CRMP1: variants seen among roughly 807,000 people sequenced by gnomAD.
CRMP1 encodes the protein collapsin response mediator protein 1.
In CRMP1, 19 loss-of-function variants were observed where a neutral mutation model predicts 68.3. The observed-to-expected ratio is 0.28, with a 90% CI of 0.19 to 0.41. CRMP1 has a LOEUF of 0.41. Among genes scored for constraint, CRMP1 ranks in the 10% least tolerant of loss-of-function variants. The pLI is 1.00. For synonymous variants in CRMP1, 439 were observed against 399.6 expected, an observed-to-expected ratio of 1.10 and a Z score of -1.18; for missense variants, 791 against 967.4, an observed-to-expected ratio of 0.82 and a Z score of 2.42.
At chr4:5,849,503 G>C in intron 5 of CRMP1, 31 bp from the exon 6 acceptor site, 1 of 1,411,682 alleles carries the variant, frequency 7.1e-7, no homozygotes, top group Non-Finnish European at 9.8e-7. Flanking sequence ...GTTGGTGTGA[G>C]ATTTAAAAAA....
rs1215086062 is a variant in CRMP1, at chr4:5,881,382, C to T, written c.381+11207G>A. Among the ~76,000 whole-genome samples, 6 of 152,154 alleles carry T rather than the reference C, an allele frequency of 3.9e-5. No homozygotes were observed. Among genetic ancestry groups the T allele is most frequent in the African/African-American group, 1.4e-4 (6 of 41,432 alleles). On this transcript the variant is annotated intron_variant, in intron 1 of 13. Transcript: ENST00000324989. The surrounding 1 kb of genome is among the most constrained non-coding windows in gnomAD (Gnocchi z 4.6). ...TCAACCTTACTGTACTCAGGACATACTTTCAAATCATATAAAATTTTGCAG... is the reference window on the plus strand; with the variant it reads ...TCAACCTTACTGTACTCAGGACATATTTTCAAATCATATAAAATTTTGCAG...
At position 5,858,347 on chromosome 4, in the gene CRMP1, C is replaced by T. The variant is rs1485738778; in HGVS notation, c.656-2040G>A. 6.6e-6 allele frequency among the ~76,000 whole-genome samples: 1 copy of T among 152,122 alleles called. No homozygotes were observed. The highest frequency in any genetic ancestry group is 2.4e-5 in the African/African-American group (1 of 41,396). ...CCCGGTTGTGTTCTTGGCTTCTCCA[C>T]CGAGATGACTCAAAAGCTCCCCCAA... On this transcript the variant is annotated intron_variant, in intron 3 of 13. Coordinates refer to ENST00000324989, the MANE Select transcript of CRMP1 (RefSeq NM_001014809.3). The surrounding 1 kb of genome is among the most constrained non-coding windows in gnomAD (Gnocchi z 5.5).
At chr4:5,871,044 C>G (rs996574701) in intron 1 of CRMP1, among the ~76,000 whole-genome samples, 13 of 152,218 alleles carry the variant, frequency 8.5e-5, no homozygotes, top group African/African-American at 2.9e-4. Flanking sequence ...AAGATTGGCC[C>G]AACCTGCTAT....
chr4:5,892,934 G>T lies in CRMP1; in HGVS notation c.36C>A (p.Asp12Glu). The part of the protein sequence containing the change: ...ADRRRAWNTE[D>E]DLPVYLARPG... ...GCCGCGCCAGGTACACGGGCAGGTC[G>T]TCCTCGGTGTTCCACGCGCGCCGCC... The change falls in exon 1 of 14, where the codon GAC (aspartate) becomes GAA (glutamate). Residue 12 changes from aspartate (D) to glutamate (E), a missense_variant. Coordinates refer to ENST00000324989, the MANE Select transcript of CRMP1 (RefSeq NM_001014809.3). This position sits in a 1 kb window ranked among gnomAD's most constrained non-coding sequence, Gnocchi z 8.6. 2 of 1,284,040 alleles carry T rather than the reference G, an allele frequency of 1.6e-6. No homozygotes were observed. Among genetic ancestry groups the T allele is most frequent in the Non-Finnish European group, 2.0e-6 (2 of 1,012,052 alleles). 79.5% of individuals were successfully genotyped at this position (1,284,040 alleles called of 1,614,324 possible).
chr4:5,855,638 G>C lies in CRMP1; in HGVS notation c.820+505C>G, dbSNP rs1713001876. 6.6e-6 allele frequency among the ~76,000 whole-genome samples: 1 copy of C among 152,160 alleles called. No individual in the cohort carries two copies. Among genetic ancestry groups the C allele is most frequent in the South Asian group, 2.1e-4 (1 of 4,828 alleles). On this transcript the variant is annotated intron_variant, in intron 4 of 13. Transcript: ENST00000324989. The surrounding 1 kb of genome is among the most constrained non-coding windows in gnomAD (Gnocchi z 4.9). ...AGACAAACCATGTCCCATAATCCAG[G>C]AACAATGGAAAAAGTGCCCCAAAGG...
chr4:5,877,731 T>C lies in CRMP1; in HGVS notation c.382-10975A>G, dbSNP rs892009913. On this transcript the variant is annotated intron_variant, in intron 1 of 13. Transcript: ENST00000324989. This position sits in a 1 kb window ranked among gnomAD's most constrained non-coding sequence, Gnocchi z 4.3. Reference sequence around the variant, plus strand: ...AGGTAGTCCCCATGGACTGCAGGACTTTTTTTCCCCCCGATATTATGCCTG... The same window carrying C: ...AGGTAGTCCCCATGGACTGCAGGACCTTTTTTCCCCCCGATATTATGCCTG... Among the ~76,000 whole-genome samples, 12 of 152,108 alleles carry C rather than the reference T, an allele frequency of 7.9e-5. No homozygotes were observed. The highest frequency in any genetic ancestry group is 2.4e-4 in the African/African-American group (10 of 41,408).
At position 5,838,338 on chromosome 4, in the gene CRMP1, T is replaced by C. The variant is rs1019234928; in HGVS notation, c.1310+1184A>G. ...CCGGATTGAGTTCTGCCTTGTTGGA[T>C]GTTGCAGGGACTTGGGTTTCACTGG... On this transcript the variant is annotated intron_variant, in intron 9 of 13. Coordinates refer to ENST00000324989, the MANE Select transcript of CRMP1 (RefSeq NM_001014809.3). The surrounding 1 kb of genome is among the most constrained non-coding windows in gnomAD (Gnocchi z 4.9). 1.3e-5 allele frequency among the ~76,000 whole-genome samples: 2 copies of C among 151,986 alleles called. No homozygotes were observed. Among genetic ancestry groups the C allele is most frequent in the Non-Finnish European group, 2.9e-5 (2 of 68,000 alleles).
chr4:5,887,314 A>G (rs545345360), intron 1 of CRMP1: 2 of 973,242 alleles, frequency 2.1e-6, no homozygotes, highest in East Asian at 1.1e-4. Context: ...CCAGTAGTCA[A>G]ACCTCTGGAG....
intron 10 of CRMP1, among the ~76,000 whole-genome samples, 169 bp from the exon 11 acceptor site, chr4:5,836,254 T>C (rs997620567): frequency 2.0e-5 from 3 of 152,210 alleles, no homozygotes; most frequent in African/African-American, 7.2e-5. Context: ...CCCAGCCTCA[T>C]CAGAGAGGAC....
At chr4:5,878,212 G>A (rs1409460970) in intron 1 of CRMP1, among the ~76,000 whole-genome samples, 3 of 150,106 alleles carry the variant, frequency 2.0e-5, no homozygotes, top group African/African-American at 7.4e-5. Context: ...ATTCCACCTG[G>A]CACCTATACA....
rs1423313778 is a variant in CRMP1, at chr4:5,888,832, G to A, written c.381+3757C>T. Among the ~76,000 whole-genome samples, 2 of 151,836 alleles carry A rather than the reference G, an allele frequency of 1.3e-5. No individual in the cohort carries two copies. Among genetic ancestry groups the A allele is most frequent in the Admixed American group, 6.5e-5 (1 of 15,270 alleles). On this transcript the variant is annotated intron_variant, in intron 1 of 13. Transcript: ENST00000324989. This position sits in a 1 kb window ranked among gnomAD's most constrained non-coding sequence, Gnocchi z 6.4. ...CTCCCCGGAACATCTGCGGGGGTGTGGGGGGAGGGAGTGTGGGACGGGGGC... is the reference window on the plus strand; with the variant it reads ...CTCCCCGGAACATCTGCGGGGGTGTAGGGGGAGGGAGTGTGGGACGGGGGC...
chr4:5,868,426 T>A (rs937119144), intron 1 of CRMP1, among the ~76,000 whole-genome samples: 1 of 151,432 alleles, frequency 6.6e-6, no homozygotes, highest in African/African-American at 2.4e-5. Flanking sequence ...CTCAGCCTCC[T>A]GAGTAGCTGG....
At position 5,850,819 on chromosome 4, in the gene CRMP1, G is replaced by A. The variant is rs1169637454; in HGVS notation, c.882+589C>T. Among the ~76,000 whole-genome samples, 1 of 152,192 alleles carries A rather than the reference G, an allele frequency of 6.6e-6. No homozygotes were observed. The highest frequency in any genetic ancestry group is 2.4e-5 in the African/African-American group (1 of 41,460). On this transcript the variant is annotated intron_variant, in intron 5 of 13. Coordinates refer to ENST00000324989, the MANE Select transcript of CRMP1 (RefSeq NM_001014809.3). The surrounding 1 kb of genome is among the most constrained non-coding windows in gnomAD (Gnocchi z 4.4). Reference sequence around the variant, plus strand: ...AGACCCAGTAGTATAAGAAGGCCAGGTGTCCTGTAAGTCGTAACCACTCCT... The same window carrying A: ...AGACCCAGTAGTATAAGAAGGCCAGATGTCCTGTAAGTCGTAACCACTCCT...
Position 5,854,678 on chromosome 4 carries a change from A to C in CRMP1, c.820+1465T>G, listed in dbSNP as rs1473601229. ...TGAATGTAATCAGTAAAGAACTGCC[A>C]TGAAAACCACAATGGTGGTGTCTTT... is the stretch of plus-strand genomic sequence containing the variant. On this transcript the variant is annotated intron_variant, in intron 4 of 13. Coordinates refer to ENST00000324989, the MANE Select transcript of CRMP1 (RefSeq NM_001014809.3). The surrounding 1 kb of genome is among the most constrained non-coding windows in gnomAD (Gnocchi z 4.0). Among the ~76,000 whole-genome samples, 7 of 152,352 alleles carry C rather than the reference A, an allele frequency of 4.6e-5. No individual in the cohort carries two copies. In the South Asian group the frequency reaches 1.5e-3, roughly 32 times the overall value.
chr4:5,869,602 T>A (rs1459341509), intron 1 of CRMP1, among the ~76,000 whole-genome samples: 1 of 146,050 alleles, frequency 6.8e-6, no homozygotes, highest in Non-Finnish European at 1.5e-5. Context: ...GAGAATGTCA[T>A]GAACCCGGAA....
At chr4:5,875,656 T>TA (rs1287031778) in intron 1 of CRMP1, among the ~76,000 whole-genome samples, 3 of 152,066 alleles carry the variant, frequency 2.0e-5, no homozygotes, top group African/African-American at 7.2e-5. Flanking sequence ...AAACATTAGA[T>TA]ACAGAGACAC....
rs555667104 is a variant in CRMP1, at chr4:5,883,704, T to C, written c.381+8885A>G. On this transcript the variant is annotated intron_variant, in intron 1 of 13. Coordinates refer to ENST00000324989, the MANE Select transcript of CRMP1 (RefSeq NM_001014809.3). The surrounding 1 kb of genome is among the most constrained non-coding windows in gnomAD (Gnocchi z 4.5). The stretch of plus-strand genomic sequence containing the variant: ...CATGCTTGCCCACCACACCTGCTGG[T>C]TAGCTACCATTCTGAATTTTCATTT... 4.0e-5 allele frequency among the ~76,000 whole-genome samples: 6 copies of C among 149,754 alleles called. No homozygotes were observed. Among genetic ancestry groups the C allele is most frequent in the Non-Finnish European group, 8.9e-5 (6 of 67,504 alleles).
Position 5,820,905 on chromosome 4 carries a change from T to A in CRMP1, c.*855A>T, listed in dbSNP as rs979188540. On this transcript the variant is annotated 3_prime_UTR_variant, in exon 14 of 14. Coordinates refer to ENST00000324989, the MANE Select transcript of CRMP1 (RefSeq NM_001014809.3). The stretch of plus-strand genomic sequence containing the variant: ...CAAAGGAAAACTTTGTACAAAACTT[T>A]AAAAATCTGACTGCCCCGTCAACTG... The A allele has an allele frequency of 6.6e-6, 1 of 150,750 alleles. No individual in the cohort carries two copies. The highest frequency in any genetic ancestry group is 1.5e-5 in the Non-Finnish European group (1 of 67,446). The allele number at this position is 150,750 out of a possible 1,614,324, so 9.3% of individuals were successfully genotyped here.
rs1032249951 is a variant in CRMP1 at position 5,888,405 on chromosome 4, G to T, written c.381+4184C>A. ...AGACACGGACGGAGGCTCGGCGCCC[G>T]TGGATGCCCACGCGCGGCTGCCCCG... On this transcript the variant is annotated intron_variant, in intron 1 of 13. Transcript: ENST00000324989. This position sits in a 1 kb window ranked among gnomAD's most constrained non-coding sequence, Gnocchi z 6.4. The T allele has an allele frequency of 4.9e-6, 6 of 1,219,184 alleles. No individual in the cohort carries two copies. The East Asian group carries it at 1.6e-4, about 33-fold the overall frequency. 75.5% of individuals were successfully genotyped at this position (1,219,184 alleles called of 1,614,324 possible).
Sources: allele counts gnomAD v4.1 joint callset (sites outside exome capture counted in the v4.1 genomes callset), GRCh38; gene constraint gnomAD v4.1.1; non-coding constraint Gnocchi (gnomAD v3.1); transcripts MANE v1.5; gene names NCBI Gene and HGNC (gene_info 2026-07-23, HGNC 2026-07-21).